Variants in NECAB1 observed in about 807,000 individuals in gnomAD.
The protein encoded by NECAB1 is N-terminal EF-hand calcium-binding protein 1.
Under a neutral mutation model 57.5 loss-of-function variants are expected in NECAB1, and 29 were observed. The observed-to-expected ratio is 0.50, with a 90% CI of 0.38 to 0.69. The LOEUF is 0.69. Ranked by LOEUF, NECAB1 falls within the 30% of genes least tolerant of loss-of-function variation. NECAB1 has a pLI of 0.00. For missense variants in NECAB1, 372 were observed against 413.8 expected (o/e 0.90, Z 0.88); for synonymous variants, 142 against 147.7 (o/e 0.96, Z 0.28).
chr8:90,902,093 T>C (rs1809516730), intron 5 of NECAB1, among the ~76,000 whole-genome samples: 1 of 152,228 alleles, frequency 6.6e-6, no homozygotes, highest in Non-Finnish European at 1.5e-5. Flanking sequence ...GAAAAGCCTA[T>C]TTTTTGAAAC....
At chr8:90,797,474 A>G (rs1477337672) in intron 1 of NECAB1, among the ~76,000 whole-genome samples, 1 of 152,218 alleles carries the variant, frequency 6.6e-6, no homozygotes. Flanking sequence ...ACTTGGGAAT[A>G]AAAATGATTG....
chr8:90,815,832 T>C (rs757900159), intron 2 of NECAB1, among the ~76,000 whole-genome samples: 3 of 152,028 alleles, frequency 2.0e-5, no homozygotes, highest in Non-Finnish European at 2.9e-5. Flanking sequence ...ATGAATAAAA[T>C]AATTTGTTTC....
chr8:90,924,989 A>G (rs1449282625), intron 6 of NECAB1, among the ~76,000 whole-genome samples: 2 of 151,720 alleles, frequency 1.3e-5, no homozygotes, highest in Admixed American at 6.6e-5. Context: ...ATATTTTAAC[A>G]TATGCTACTT....
chr8:90,939,073 T>C (rs1479995024), intron 9 of NECAB1, among the ~76,000 whole-genome samples: 1 of 152,230 alleles, frequency 6.6e-6, no homozygotes, highest in Non-Finnish European at 1.5e-5. Flanking sequence ...TAAAGTTTTA[T>C]TGTAACACAG....
chr8:90,811,101 C>G (rs1300268579), intron 2 of NECAB1, among the ~76,000 whole-genome samples: 1 of 152,054 alleles, frequency 6.6e-6, no homozygotes, highest in African/African-American at 2.4e-5. Context: ...GCGCTTGCCA[C>G]CATGCCCGGC....
chr8:90,876,908 A>G (rs1053267066), intron 4 of NECAB1, among the ~76,000 whole-genome samples: 6 of 152,236 alleles, frequency 3.9e-5, no homozygotes, highest in African/African-American at 1.4e-4. Flanking sequence ...AAACCCACAT[A>G]CAGGTTTCAA....
At chr8:90,843,194 AC>A (rs1812485433) in intron 3 of NECAB1, among the ~76,000 whole-genome samples, 1 of 152,056 alleles carries the variant, frequency 6.6e-6, no homozygotes, top group Non-Finnish European at 1.5e-5. Context: ...GGAAAAACCC[AC>A]CCCCGTGATT....
At chr8:90,852,350 C>G (rs933533692) in intron 3 of NECAB1, among the ~76,000 whole-genome samples, 1 of 152,118 alleles carries the variant, frequency 6.6e-6, no homozygotes, top group Non-Finnish European at 1.5e-5. Context: ...AGGGATCACA[C>G]CAGGACATCA....
chr8:90,954,877 GTATAT>G (rs1270536054), intron 12 of NECAB1, among the ~76,000 whole-genome samples: 6 of 146,978 alleles, frequency 4.1e-5, no homozygotes, highest in Non-Finnish European at 7.5e-5. Flanking sequence ...ATGCATATAT[GTATAT>G]TATGTGTATG....
chr8:90,857,479 A>T (rs1812814289), intron 3 of NECAB1, among the ~76,000 whole-genome samples: 1 of 152,188 alleles, frequency 6.6e-6, no homozygotes, highest in South Asian at 2.1e-4. Flanking sequence ...TGTGAAATTA[A>T]TTTTAGTGGC....
chr8:90,817,009 T>C (rs1251255404), intron 2 of NECAB1, among the ~76,000 whole-genome samples: 1 of 151,714 alleles, frequency 6.6e-6, no homozygotes, highest in Admixed American at 6.6e-5. Flanking sequence ...TTTGTAGTTT[T>C]CTGCATTTAG....
Position 90,959,323 on chromosome 8 carries a change from C to T in NECAB1, c.*3811C>T, listed in dbSNP as rs1033878030. ...GTGTAAATCACAAGTAAAATGAATT[C>T]TAATGTACAAGTTTGTTTTAAAAAG... On this transcript the variant is annotated 3_prime_UTR_variant, in exon 13 of 13. Coordinates refer to ENST00000417640, the MANE Select transcript of NECAB1 (RefSeq NM_022351.5). 5.6e-6 allele frequency: 1 copy of T among 179,972 alleles called. No individual in the cohort carries two copies. The highest frequency in any genetic ancestry group is 1.2e-5 in the Non-Finnish European group (1 of 86,722). 11.1% of individuals were successfully genotyped at this position (179,972 alleles called of 1,614,324 possible).
rs143196807 is a variant in NECAB1 at position 90,953,997 on chromosome 8, A to T, written c.1031-1490A>T. Among the ~76,000 whole-genome samples the T allele has an allele frequency of 1.7e-3, 259 of 152,066 alleles. 1 individual carries two copies. The highest frequency in any genetic ancestry group is 6.1e-3 in the African/African-American group (252 of 41,462). ...TGCAGGAGACTCACTTGAACCTGGG[A>T]GGCAGAGGTTGCAGTGAACTGAGTT... On this transcript the variant is annotated intron_variant, in intron 12 of 12. Coordinates refer to ENST00000417640, the MANE Select transcript of NECAB1 (RefSeq NM_022351.5).
chr8:90,902,071 T>A (rs1278514518), intron 5 of NECAB1, among the ~76,000 whole-genome samples: 1 of 152,240 alleles, frequency 6.6e-6, no homozygotes, highest in East Asian at 1.9e-4. Context: ...TTATTCTTTC[T>A]CTTAAAAATA....
chr8:90,917,366 C>T, intron 5 of NECAB1, 126 bp from the exon 6 acceptor site: 1 of 745,772 alleles, frequency 1.3e-6, no homozygotes, highest in Non-Finnish European at 2.0e-6. Flanking sequence ...AGATCTTTTC[C>T]CTTCTCTCCA....
At chr8:90,807,152 G>A (rs1387494177) in intron 2 of NECAB1, among the ~76,000 whole-genome samples, 1 of 152,126 alleles carries the variant, frequency 6.6e-6, no homozygotes, top group East Asian at 1.9e-4. Context: ...TGCATTTGAT[G>A]TTTCCTTGGT....
At chr8:90,827,690 A>AT (rs1248704231) in intron 3 of NECAB1, among the ~76,000 whole-genome samples, 1 of 151,884 alleles carries the variant, frequency 6.6e-6, no homozygotes, top group African/African-American at 2.4e-5. Flanking sequence ...TGGCTACTTA[A>AT]TTTTTTTCCT....
At chr8:90,927,381 C>G (rs1810300124) in intron 7 of NECAB1, among the ~76,000 whole-genome samples, 2 of 151,868 alleles carry the variant, frequency 1.3e-5, no homozygotes, top group Admixed American at 6.6e-5. Flanking sequence ...AAAGCTAACA[C>G]AAGGCTTTAT....
At chr8:90,799,245 TTC>T (rs1811721476) in intron 1 of NECAB1, among the ~76,000 whole-genome samples, 1 of 152,172 alleles carries the variant, frequency 6.6e-6, no homozygotes, top group African/African-American at 2.4e-5. Context: ...ATTCTTTAGA[TTC>T]TCTGTTTACT....
Sources: gnomAD v4.1 joint callset for allele counts (sites outside exome capture counted in the v4.1 genomes callset) on GRCh38, gnomAD v4.1.1 for gene constraint, MANE v1.5 for transcripts, NCBI Gene and HGNC (gene_info 2026-07-23, HGNC 2026-07-21) for gene names.